Variants in SCGB1C2 observed in about 807,000 individuals in gnomAD.
The protein encoded by SCGB1C2 is secretoglobin family 1C member 2.
Under a neutral mutation model 8.4 loss-of-function variants are expected in SCGB1C2, and 3 were observed. That is an observed-to-expected ratio of 0.36 (90% CI 0.16 to 0.92). The LOEUF (loss-of-function observed/expected upper bound fraction) is 0.92. Among genes scored for constraint, SCGB1C2 ranks in the 40% least tolerant of loss-of-function variants. The pLI, the probability that SCGB1C2 is intolerant of heterozygous loss-of-function variation, is 0.45. For synonymous variants in SCGB1C2, 18 were observed against 44.9 expected, an observed-to-expected ratio of 0.40 and a Z score of 2.39; for missense variants, 54 against 105.7, an observed-to-expected ratio of 0.51 and a Z score of 2.14.
Position 138,388 on chromosome 17 carries a change from C to T in SCGB1C2, c.241C>T (p.Leu81=), listed in dbSNP as rs2039966209. The T allele has an allele frequency of 3.1e-6, 5 of 1,609,446 alleles. No homozygotes were observed. In the Admixed American group the frequency reaches 6.7e-5, roughly 22 times the overall value. Residue 81 remains leucine (L), a synonymous_variant, in exon 2 of 3, where the codon CTG becomes TTG. Coordinates refer to ENST00000595228, the MANE Select transcript of SCGB1C2 (RefSeq NM_001097610.3). ...CCTGCAGCCAATGCACAAGGCGGAG[C>T]TGGTCAAGCTGCTGGTATGAGGGCG... ...DGLQPMHKAE[L]VKLLVQVLGS... is the part of the protein sequence containing the mutation.
In SCGB1C2 at chr17:138,253, A is replaced by C. The variant is rs1164318525; in HGVS notation, c.106A>C (p.Thr36Pro). 5.0e-6 allele frequency: 6 copies of C among 1,207,992 alleles called. No individual in the cohort carries two copies. Among genetic ancestry groups the C allele is most frequent in the Non-Finnish European group, 6.0e-6 (5 of 826,812 alleles). The allele number at this position is 1,207,992 out of a possible 1,614,324, so 74.8% of individuals were successfully genotyped here. A position where few individuals can be genotyped will look rare whatever the true frequency, so the allele number is the denominator to read the frequency against. Residue 36 changes from threonine (T) to proline (P), a missense_variant, in exon 2 of 3, where the codon ACA becomes CCA. Transcript: ENST00000595228. ...TGAGTTTTTCATGGACTTCCTGCAA[A>C]CACTACTGGTGGGGACCCCAGAGGA... is the stretch of plus-strand genomic sequence containing the variant. ...NDEFFMDFLQ[T>P]LLVGTPEELY...
In SCGB1C2 at chr17:138,287, A is replaced by G; in HGVS notation, c.140A>G (p.Glu47Gly). 5.1e-6 allele frequency: 7 copies of G among 1,373,172 alleles called. 1 individual carries two copies. The South Asian group carries it at 8.1e-5, about 16-fold the overall frequency. 85.1% of individuals were successfully genotyped at this position (1,373,172 alleles called of 1,614,324 possible). A position where few individuals can be genotyped will look rare whatever the true frequency, so the allele number is the denominator to read the frequency against. ...GTGGGGACCCCAGAGGAGCTCTATG[A>G]GGGGACCTTGGGCAAGTACAATGTC... The part of the protein sequence containing the change: ...LLVGTPEELY[E>G]GTLGKYNVNE... The change falls in exon 2 of 3, where the codon GAG (glutamate) becomes GGG (glycine). Residue 47 changes from glutamate to glycine, a missense_variant. Transcript: ENST00000595228.
intron 2 of SCGB1C2, among the ~76,000 whole-genome samples, 194 bp from the exon 3 acceptor site, chr17:138,716 C>CTCA (rs2039968175): frequency 1.3e-5 from 1 of 77,344 alleles, no homozygotes; most frequent in Non-Finnish European, 2.7e-5. Flanking sequence ...CACCCACATG[C>CTCA]TCACACTGGG....
rs2039966629 is a variant in SCGB1C2, at chr17:138,437, T to A, written c.255+35T>A. The A allele has an allele frequency of 8.2e-6, 9 of 1,102,420 alleles. No homozygotes were observed. The Admixed American group carries it at 2.2e-4, about 27-fold the overall frequency. 68.3% of individuals were successfully genotyped at this position (1,102,420 alleles called of 1,614,324 possible). A position where few individuals can be genotyped will look rare whatever the true frequency, so the allele number is the denominator to read the frequency against. On this transcript the variant is annotated intron_variant, in intron 2 of 2. Coordinates refer to ENST00000595228, the MANE Select transcript of SCGB1C2 (RefSeq NM_001097610.3). ...CGGCGGGCACCCCATTTTCTAAAGA[T>A]CTGCAGCCTTACCAAGACCACCCAA...
chr17:138,715 G>C (rs2039968140), intron 2 of SCGB1C2, among the ~76,000 whole-genome samples, 195 bp from the exon 3 acceptor site: 1 of 76,056 alleles, frequency 1.3e-5, no homozygotes, highest in Admixed American at 1.3e-4. Flanking sequence ...ACACCCACAT[G>C]CTCACACTGG....
At chr17:138,717 T>G (rs1327716480) in intron 2 of SCGB1C2, among the ~76,000 whole-genome samples, 193 bp from the exon 3 acceptor site, 2 of 74,802 alleles carry the variant, frequency 2.7e-5, no homozygotes, top group African/African-American at 1.1e-4. Context: ...ACCCACATGC[T>G]CACACTGGGA....
Position 138,806 on chromosome 17 carries a change from T to C in SCGB1C2, c.256-104T>C, listed in dbSNP as rs1451304828. The C allele has an allele frequency of 1.0e-5, 6 of 594,124 alleles. 1 individual carries two copies. The highest frequency in any genetic ancestry group is 1.8e-5 in the Non-Finnish European group (6 of 340,558). 36.8% of individuals were successfully genotyped at this position (594,124 alleles called of 1,614,324 possible). A position where few individuals can be genotyped will look rare whatever the true frequency, so the allele number is the denominator to read the frequency against. On this transcript the variant is annotated intron_variant, in intron 2 of 2. Transcript: ENST00000595228. ...GCTGCTGGGAGGAGATAGGCAGCAA[T>C]ATGCCAGACCCCCCCCCCACTGAGG...
intron 2 of SCGB1C2, among the ~76,000 whole-genome samples, chr17:138,709 C>A (rs1400129666): frequency 2.6e-5 from 2 of 75,956 alleles, no homozygotes; most frequent in South Asian, 4.2e-4. Flanking sequence ...ACGTTCACAC[C>A]CACATGCTCA....
In SCGB1C2 at chr17:138,406, T is replaced by C; in HGVS notation, c.255+4T>C. 8 of 1,592,232 alleles carry C rather than the reference T, an allele frequency of 5.0e-6. No homozygotes were observed. The highest frequency in any genetic ancestry group is 6.8e-6 in the Non-Finnish European group (8 of 1,168,882). On this transcript the variant is annotated splice_donor_region_variant and intron_variant, in intron 2 of 2. Coordinates refer to ENST00000595228, the MANE Select transcript of SCGB1C2 (RefSeq NM_001097610.3). The stretch of plus-strand genomic sequence containing the variant: ...GGCGGAGCTGGTCAAGCTGCTGGTA[T>C]GAGGGCGGCGGGCACCCCATTTTCT...
rs1243920933 is a variant in SCGB1C2, at chr17:138,800, C to T, written c.256-110C>T. ...CTCCCAGCTGCTGGGAGGAGATAGG[C>T]AGCAATATGCCAGACCCCCCCCCCA... On this transcript the variant is annotated intron_variant, in intron 2 of 2. Transcript: ENST00000595228. The T allele has an allele frequency of 8.2e-4, 473 of 576,824 alleles. 27 individuals are homozygous for T. In the African/African-American group the frequency reaches 0.011, roughly 14 times the overall value. 35.7% of individuals were successfully genotyped at this position (576,824 alleles called of 1,614,324 possible). A position where few individuals can be genotyped will look rare whatever the true frequency, so the allele number is the denominator to read the frequency against.
In SCGB1C2 at chr17:138,299, G is replaced by T. The variant is rs1217171530; in HGVS notation, c.152G>T (p.Gly51Val). 1.5e-4 allele frequency: 228 copies of T among 1,568,560 alleles called. No individual in the cohort carries two copies. In the Middle Eastern group the frequency reaches 2.5e-3, roughly 18 times the overall value. The change falls in exon 2 of 3, where the codon GGC becomes GTC. Residue 51 changes from glycine to valine, a missense_variant. Coordinates refer to ENST00000595228, the MANE Select transcript of SCGB1C2 (RefSeq NM_001097610.3). The part of the protein sequence containing the change: ...TPEELYEGTL[G>V]KYNVNEDAKA... The stretch of plus-strand genomic sequence containing the variant: ...GAGGAGCTCTATGAGGGGACCTTGG[G>T]CAAGTACAATGTCAACGAAGATGCC...
Position 137,661 on chromosome 17 carries a change from TG to T in SCGB1C2, c.55+20del. The T allele has an allele frequency of 2.1e-6, 2 of 946,638 alleles. No homozygotes were observed. Among genetic ancestry groups the T allele is most frequent in the Admixed American group, 2.0e-5 (1 of 49,556 alleles). 58.6% of individuals were successfully genotyped at this position (946,638 alleles called of 1,614,324 possible). The stretch of plus-strand genomic sequence containing the variant: ...TGCATCTGCCGTGAGTCTGTGCCAC[TG>T]GGGTTTCCAGAACATTCAGGGGCGG... On this transcript the variant is annotated intron_variant, in intron 1 of 2. Coordinates refer to ENST00000595228, the MANE Select transcript of SCGB1C2 (RefSeq NM_001097610.3).
Position 138,383 on chromosome 17 carries a change from C to T in SCGB1C2, c.236C>T (p.Ala79Val), listed in dbSNP as rs1230299462. Residue 79 changes from alanine to valine, a missense_variant, in exon 2 of 3, where the codon GCG (alanine) becomes GTG (valine). Coordinates refer to ENST00000595228, the MANE Select transcript of SCGB1C2 (RefSeq NM_001097610.3). Reference protein sequence around the residue: ...CRDGLQPMHKAELVKLLVQVL... With the variant: ...CRDGLQPMHKVELVKLLVQVL... ...GATGGCCTGCAGCCAATGCACAAGGCGGAGCTGGTCAAGCTGCTGGTATGA... is the reference window on the plus strand; with the variant it reads ...GATGGCCTGCAGCCAATGCACAAGGTGGAGCTGGTCAAGCTGCTGGTATGA... 9.9e-5 allele frequency: 160 copies of T among 1,610,728 alleles called. No individual in the cohort carries two copies. The highest frequency in any genetic ancestry group is 3.0e-4 in the Admixed American group (18 of 59,732).
At chr17:138,707 A>G (rs1277448994) in intron 2 of SCGB1C2, among the ~76,000 whole-genome samples, 2 of 74,364 alleles carry the variant, frequency 2.7e-5, no homozygotes, top group African/African-American at 1.1e-4. Flanking sequence ...ACACGTTCAC[A>G]CCCACATGCT....
chr17:138,244 T>G lies in SCGB1C2; in HGVS notation c.97T>G (p.Phe33Val). The change falls in exon 2 of 3, where the codon TTC (phenylalanine) becomes GTC (valine). Residue 33 changes from phenylalanine (F) to valine (V), a missense_variant. Transcript: ENST00000595228. ...GGACAACGATGAGTTTTTCATGGAC[T>G]TCCTGCAAACACTACTGGTGGGGAC... ...GEDNDEFFMD[F>V]LQTLLVGTPE... 1.7e-6 allele frequency: 2 copies of G among 1,192,934 alleles called. No individual in the cohort carries two copies. The highest frequency in any genetic ancestry group is 2.4e-6 in the Non-Finnish European group (2 of 819,452). 73.9% of individuals were successfully genotyped at this position (1,192,934 alleles called of 1,614,324 possible).
chr17:138,910 G>C lies in SCGB1C2; in HGVS notation c.256G>C (p.Val86Leu). 3.0e-6 allele frequency: 2 copies of C among 666,506 alleles called. No individual in the cohort carries two copies. The highest frequency in any genetic ancestry group is 3.3e-5 in the South Asian group (2 of 61,352). The allele number at this position is 666,506 out of a possible 1,614,324, so 41.3% of individuals were successfully genotyped here. The stretch of plus-strand genomic sequence containing the variant: ...TAGTCCACATGTGTCTGCCTTCCAG[G>C]TGCAAGTGCTGGGCAGTCAGGACGG... Reference protein sequence around the residue: ...MHKAELVKLLVQVLGSQDGA With the variant: ...MHKAELVKLLLQVLGSQDGA The change falls in exon 3 of 3, where the codon GTG becomes CTG. Residue 86 changes from valine to leucine, a missense_variant and splice_region_variant. Val to Leu is a conservative substitution (Grantham distance 32). This residue lies in a region of SCGB1C2 where 54 missense variants were observed against 68.0 expected (regional missense o/e 0.79). Transcript: ENST00000595228.
At chr17:138,435 G>C (rs2039966591) in intron 2 of SCGB1C2, 33 bp downstream of exon 2, 1 of 1,134,092 alleles carries the variant, frequency 8.8e-7, no homozygotes, top group African/African-American at 1.6e-5. Flanking sequence ...ATTTTCTAAA[G>C]ATCTGCAGCC....
In SCGB1C2 at chr17:138,350, C is replaced by T. The variant is rs2039965963; in HGVS notation, c.203C>T (p.Ser68Phe). Reference sequence around the variant, plus strand: ...AAGGCAGCAATGACTGAACTCAAGTCCTGCAGAGATGGCCTGCAGCCAATG... The same window carrying T: ...AAGGCAGCAATGACTGAACTCAAGTTCTGCAGAGATGGCCTGCAGCCAATG... The part of the protein sequence containing the change: ...DAKAAMTELK[S>F]CRDGLQPMHK... Residue 68 changes from serine to phenylalanine, a missense_variant, in exon 2 of 3, where the codon TCC (serine) becomes TTC (phenylalanine). Ser to Phe is a radical substitution (Grantham distance 155). Around this residue, in one of 2 missense-constraint regions of SCGB1C2, gnomAD observed 54 missense variants for 68.0 expected, o/e 0.79. Transcript: ENST00000595228. 7.1e-5 allele frequency: 115 copies of T among 1,613,008 alleles called. 2 individuals carry two copies. In the South Asian group the frequency reaches 9.8e-4, roughly 14 times the overall value.
At chr17:138,545 A>G (rs1157456115) in intron 2 of SCGB1C2, 143 bp downstream of exon 2, 3 of 528,640 alleles carry the variant, frequency 5.7e-6, no homozygotes, top group Non-Finnish European at 6.6e-6. Flanking sequence ...TCAGGTGGAC[A>G]CCCCAGACCT....
Sources: allele counts gnomAD v4.1 joint callset (sites outside exome capture counted in the v4.1 genomes callset), GRCh38; gene constraint gnomAD v4.1.1; regional missense constraint gnomAD v4.1.1; transcripts MANE v1.5; gene names NCBI Gene and HGNC (gene_info 2026-07-23, HGNC 2026-07-21).